Variants in PLCL1 observed in about 807,000 individuals in gnomAD.
The protein encoded by PLCL1 is inactive phospholipase C-like protein 1.
PLCL1 carries 41 observed loss-of-function variants against 84.4 expected under a neutral mutation model. The ratio of observed to expected loss-of-function variants is 0.49; its 90% CI spans 0.38 to 0.63. The LOEUF (loss-of-function observed/expected upper bound fraction) is 0.63. PLCL1 is among the 30% of genes least tolerant of loss of function. The pLI, the probability that PLCL1 is intolerant of heterozygous loss-of-function variation, is 0.00. For synonymous variants in PLCL1, 490 were observed against 488.3 expected, an observed-to-expected ratio of 1.00 and a Z score of -0.05; for missense variants, 1,206 against 1,367.8, an observed-to-expected ratio of 0.88 and a Z score of 1.87.
At chr2:198,127,004 G>T (rs1403527601) in intron 5 of PLCL1, among the ~76,000 whole-genome samples, 1 of 51,748 alleles carries the variant, frequency 1.9e-5, no homozygotes, top group Non-Finnish European at 3.9e-5. Flanking sequence ...GTGTGTGTGT[G>T]TGTGTGTGGG....
chr2:197,848,055 C>T (rs1023772357), intron 1 of PLCL1, among the ~76,000 whole-genome samples: 2 of 152,160 alleles, frequency 1.3e-5, no homozygotes, highest in African/African-American at 4.8e-5. Flanking sequence ...CTATTTAGAA[C>T]CCATACTATA....
intron 1 of PLCL1, among the ~76,000 whole-genome samples, chr2:197,893,947 C>A (rs1688080871): frequency 6.6e-6 from 1 of 151,916 alleles, no homozygotes; most frequent in Non-Finnish European, 1.5e-5. Flanking sequence ...GACTTTCGTT[C>A]TCAGGCTTGT....
intron 1 of PLCL1, among the ~76,000 whole-genome samples, chr2:197,935,692 C>T (rs1689038246): frequency 6.6e-6 from 1 of 152,130 alleles, no homozygotes; most frequent in Non-Finnish European, 1.5e-5. Context: ...ACAAAATAAT[C>T]TGTACACCCA....
intron 1 of PLCL1, among the ~76,000 whole-genome samples, chr2:197,909,349 C>G (rs1449042392): frequency 6.7e-6 from 1 of 149,350 alleles, no homozygotes; most frequent in African/African-American, 2.5e-5. Context: ...TCCTTTTTTG[C>G]TAAGGAACAG....
At chr2:197,956,691 A>G (rs61466310) in intron 1 of PLCL1, among the ~76,000 whole-genome samples, 2,837 of 149,308 alleles carry the variant, frequency 0.019, 77 homozygotes, top group African/African-American at 0.07. Context: ...GCTTTTTTTC[A>G]TATGTTTGTT....
At chr2:198,110,343 A>C (rs531284087) in intron 5 of PLCL1, among the ~76,000 whole-genome samples, 2 of 151,986 alleles carry the variant, frequency 1.3e-5, no homozygotes, top group East Asian at 3.9e-4. Context: ...TTCCGTGGGA[A>C]GAGCAGAGAT....
intron 1 of PLCL1, among the ~76,000 whole-genome samples, chr2:197,975,440 G>A (rs1280434965): frequency 6.6e-6 from 1 of 152,050 alleles, no homozygotes; most frequent in East Asian, 1.9e-4. Flanking sequence ...TATTCTTCCA[G>A]TCCTGCTTTC....
intron 1 of PLCL1, among the ~76,000 whole-genome samples, chr2:198,049,101 G>C (rs541475208): frequency 1.3e-5 from 2 of 152,306 alleles, no homozygotes; most frequent in African/African-American, 4.8e-5. Context: ...GGGATTGAGT[G>C]TTTAATGCTC....
chr2:198,015,825 T>A (rs1158276522), intron 1 of PLCL1, among the ~76,000 whole-genome samples: 3 of 152,196 alleles, frequency 2.0e-5, no homozygotes, highest in Non-Finnish European at 2.9e-5. Flanking sequence ...TTTAAAACAC[T>A]GGAGCCAAAA....
chr2:197,860,492 C>T (rs1003151782), intron 1 of PLCL1, among the ~76,000 whole-genome samples: 26 of 152,238 alleles, frequency 1.7e-4, no homozygotes, highest in African/African-American at 4.3e-4. Context: ...ATACTCCCTC[C>T]GGTAGTGTAT....
At chr2:197,940,451 C>T (rs1394029083) in intron 1 of PLCL1, among the ~76,000 whole-genome samples, 1 of 152,144 alleles carries the variant, frequency 6.6e-6, no homozygotes, top group Non-Finnish European at 1.5e-5. Flanking sequence ...CTTTCCTTTC[C>T]AGATGATATC....
At chr2:197,828,864 AG>A (rs1290317616) in intron 1 of PLCL1, among the ~76,000 whole-genome samples, 3 of 152,210 alleles carry the variant, frequency 2.0e-5, no homozygotes, top group African/African-American at 7.2e-5. Flanking sequence ...TTAACTCAAA[AG>A]TTAGGAATCC....
At chr2:198,008,447 G>A (rs1690784637) in intron 1 of PLCL1, among the ~76,000 whole-genome samples, 1 of 151,888 alleles carries the variant, frequency 6.6e-6, no homozygotes, top group Non-Finnish European at 1.5e-5. Flanking sequence ...TCATATGAAT[G>A]GAATCATACA....
intron 1 of PLCL1, chr2:198,071,077 T>C (rs978023531): frequency 3.7e-6 from 2 of 533,540 alleles, no homozygotes; most frequent in South Asian, 8.2e-5. Flanking sequence ...AGTACTCTTC[T>C]GTTATCTGCT....
chr2:197,876,637 G>A (rs758437852), intron 1 of PLCL1, among the ~76,000 whole-genome samples: 10 of 151,988 alleles, frequency 6.6e-5, no homozygotes, highest in Non-Finnish European at 1.5e-4. Flanking sequence ...ATTATTGCAG[G>A]ATTGTTTTTG....
chr2:197,930,800 T>A (rs1163341889), intron 1 of PLCL1, among the ~76,000 whole-genome samples: 2 of 152,198 alleles, frequency 1.3e-5, no homozygotes, highest in Non-Finnish European at 2.9e-5. Context: ...ATTAATAACA[T>A]TTTTAACTCA....
chr2:197,952,508 A>G (rs1380190845), intron 1 of PLCL1, among the ~76,000 whole-genome samples: 2 of 152,172 alleles, frequency 1.3e-5, no homozygotes, highest in Non-Finnish European at 2.9e-5. Context: ...AGTAAACGTC[A>G]TTAAATTTAT....
At chr2:197,856,836 A>T (rs700687) in intron 1 of PLCL1, among the ~76,000 whole-genome samples, 110,907 of 152,196 alleles carry the variant, frequency 0.73, 41,495 homozygotes, top group African/African-American at 0.9. Flanking sequence ...ATTACCTACA[A>T]TATTCTTCAT....
At chr2:198,101,565 T>A (rs1211793844) in intron 4 of PLCL1, among the ~76,000 whole-genome samples, 1 of 152,002 alleles carries the variant, frequency 6.6e-6, no homozygotes, top group Non-Finnish European at 1.5e-5. Flanking sequence ...GGGTTGTATG[T>A]GAGCGTACAG....
Sources: gnomAD v4.1 joint callset for allele counts (sites outside exome capture counted in the v4.1 genomes callset) on GRCh38, gnomAD v4.1.1 for gene constraint, MANE v1.5 for transcripts, NCBI Gene and HGNC (gene_info 2026-07-23, HGNC 2026-07-21) for gene names.